Variants in RNF212 observed in about 807,000 individuals in gnomAD.
The protein encoded by RNF212 is ring finger protein 212.
In RNF212, 33 loss-of-function variants were observed where a neutral mutation model predicts 34.7. The ratio of observed to expected loss-of-function variants is 0.95; its 90% CI spans 0.72 to 1.27. The LOEUF (loss-of-function observed/expected upper bound fraction) is 1.27. RNF212 is among the 50% of genes most tolerant of loss of function. RNF212 has a pLI of 0.00. For synonymous variants in RNF212, 140 were observed against 136.1 expected, an observed-to-expected ratio of 1.03 and a Z score of -0.20; for missense variants, 377 against 362.2, an observed-to-expected ratio of 1.04 and a Z score of -0.33.
intron 2 of RNF212, among the ~76,000 whole-genome samples, chr4:1,106,590 A>G (rs1277717673): frequency 6.6e-6 from 1 of 152,256 alleles, no homozygotes; most frequent in Non-Finnish European, 1.5e-5. Context: ...ACAGAATAGC[A>G]GTGCACAGAA....
At chr4:1,093,262 T>G (rs1012900413) in intron 3 of RNF212, 2 of 581,770 alleles carry the variant, frequency 3.4e-6, no homozygotes, top group Admixed American at 8.1e-5. Context: ...TTTGCTTATG[T>G]GGGTTTTATC....
At chr4:1,094,127 C>T in intron 3 of RNF212, 1 of 1,278,414 alleles carries the variant, frequency 7.8e-7, no homozygotes, top group Non-Finnish European at 1.0e-6. Context: ...GAGTGCCATG[C>T]AGGGGTCCAT....
chr4:1,071,151 T>G (rs1185087320), downstream of RNF212, among the ~76,000 whole-genome samples: 12 of 152,082 alleles, frequency 7.9e-5, no homozygotes, highest in Admixed American at 6.5e-5. Flanking sequence ...ATTTTTTCTG[T>G]GTGCTTGAAG....
intron 5 of RNF212, among the ~76,000 whole-genome samples, chr4:1,082,259 C>A (rs1048105105): frequency 3.3e-5 from 5 of 152,218 alleles, no homozygotes; most frequent in African/African-American, 1.2e-4. Flanking sequence ...TCCACGATGG[C>A]CAGTAGCAGA....
At chr4:1,078,816 G>A (rs1168610612) in intron 8 of RNF212, among the ~76,000 whole-genome samples, 3 of 149,600 alleles carry the variant, frequency 2.0e-5, no homozygotes, top group East Asian at 2.0e-4. Context: ...CCAACACAGG[G>A]TCAACACAGG....
intron 2 of RNF212, among the ~76,000 whole-genome samples, chr4:1,106,303 CAG>C (rs1229002685): frequency 6.6e-6 from 1 of 151,492 alleles, no homozygotes; most frequent in Admixed American, 6.6e-5. Context: ...CACTCAGACA[CAG>C]AGAAAAGAAC....
At position 1,064,278 on chromosome 4, in the gene RNF212, C is replaced by T. The variant is rs550793676; in HGVS notation, n.148-5885G>A. Reference sequence around the variant, plus strand: ...GGAGCTATATGGAGCAATGTGGTTACGTTCCACTGGAATTCAGTCGGTGTT... The same window carrying T: ...GGAGCTATATGGAGCAATGTGGTTATGTTCCACTGGAATTCAGTCGGTGTT... On this transcript the variant is annotated intron_variant and non_coding_transcript_variant, in intron 3 of 4. Transcript: ENST00000503206. Among the ~76,000 whole-genome samples the T allele has an allele frequency of 7.9e-5, 12 of 152,276 alleles. No individual in the cohort carries two copies. The South Asian group carries it at 2.5e-3, about 32-fold the overall frequency.
intron 8 of RNF212, among the ~76,000 whole-genome samples, chr4:1,079,090 G>T (rs1193960191): frequency 6.6e-6 from 1 of 150,846 alleles, no homozygotes; most frequent in African/African-American, 2.4e-5. Flanking sequence ...GTCAACACAG[G>T]ACCAACATAG....
intron 4 of RNF212, among the ~76,000 whole-genome samples, chr4:1,088,655 G>A (rs970386160): frequency 6.6e-6 from 1 of 152,244 alleles, no homozygotes; most frequent in African/African-American, 2.4e-5. Context: ...CTTCACAGCA[G>A]CCCCTCCCAT....
At chr4:1,092,185 C>G (rs575210244) in intron 3 of RNF212, among the ~76,000 whole-genome samples, 3 of 152,246 alleles carry the variant, frequency 2.0e-5, no homozygotes. Flanking sequence ...TACCAGCAGA[C>G]GCGCCTCATC....
intron 2 of RNF212, chr4:1,099,696 G>A (rs150266301): frequency 1.0e-4 from 47 of 456,286 alleles, no homozygotes; most frequent in African/African-American, 8.0e-4. Context: ...CAGTAACGAG[G>A]ATACATAGTT....
intron 1 of RNF212, among the ~76,000 whole-genome samples, chr4:1,109,603 C>A (rs772593862): frequency 6.6e-6 from 1 of 152,206 alleles, no homozygotes; most frequent in Non-Finnish European, 1.5e-5. Flanking sequence ...CACTGCTGGG[C>A]AATCCTGCTT....
Position 1,081,069 on chromosome 4 carries a change from C to A in RNF212, c.464+350G>T, listed in dbSNP as rs73792258. Among the ~76,000 whole-genome samples, 580 of 152,342 alleles carry A rather than the reference C, an allele frequency of 3.8e-3. 6 individuals are homozygous for A. The highest frequency in any genetic ancestry group is 0.012 in the African/African-American group (515 of 41,560). On this transcript the variant is annotated intron_variant, in intron 7 of 9. Transcript: ENST00000433731. ...TGAAAGAAGGATTCCATATAAGGCA[C>A]ACCAGGTCAGCCCCTTAATTTCCTG...
chr4:1,103,965 G>A (rs1355302462), intron 2 of RNF212, among the ~76,000 whole-genome samples: 2 of 151,890 alleles, frequency 1.3e-5, no homozygotes, highest in Admixed American at 6.5e-5. Flanking sequence ...GTTGGCGTAT[G>A]TAAATGTTCT....
intron 2 of RNF212, among the ~76,000 whole-genome samples, chr4:1,100,551 G>C (rs1379438641): frequency 6.6e-6 from 1 of 151,964 alleles, no homozygotes; most frequent in Non-Finnish European, 1.5e-5. Flanking sequence ...GGGATTACAG[G>C]CGTGTGCTAC....
At chr4:1,093,772 G>A in intron 3 of RNF212, 1 of 1,536,310 alleles carries the variant, frequency 6.5e-7, no homozygotes, top group South Asian at 1.2e-5. Context: ...TGTGAATGAG[G>A]GTCCTGCTGG....
rs1008400258 is a variant in RNF212 at position 1,079,004 on chromosome 4, C to T, written c.510+639G>A. The stretch of plus-strand genomic sequence containing the variant: ...GGGTCAACACAGGACCAACATAGGA[C>T]CAACACAGGGTCAACACAGGACCAA... On this transcript the variant is annotated intron_variant, in intron 8 of 9. Transcript: ENST00000433731. Among the ~76,000 whole-genome samples, 62 of 103,218 alleles carry T rather than the reference C, an allele frequency of 6.0e-4. 1 individual carries two copies. Among genetic ancestry groups the T allele is most frequent in the African/African-American group, 3.3e-3 (45 of 13,582 alleles). 67.7% of individuals were successfully genotyped at this position (103,218 alleles called of 152,430 possible).
chr4:1,091,404 T>C (rs1560134206), intron 3 of RNF212, among the ~76,000 whole-genome samples: 1 of 152,306 alleles, frequency 6.6e-6, no homozygotes, highest in South Asian at 2.1e-4. Flanking sequence ...GTCCTGTGAT[T>C]TCCTCAGAGG....
chr4:1,073,671 G>C lies in RNF212; in HGVS notation c.511-9C>G, dbSNP rs765092668. 6.2e-7 allele frequency: 1 copy of C among 1,604,420 alleles called. No individual in the cohort carries two copies. The highest frequency in any genetic ancestry group is 8.5e-7 in the Non-Finnish European group (1 of 1,171,798). On this transcript the variant is annotated splice_polypyrimidine_tract_variant and intron_variant, in intron 8 of 9. Transcript: ENST00000433731. ...CCGGCTGCTATCTCAGACTAAGAAT[G>C]CAACAAGAAAACAATGGGTAAAATT... is the stretch of plus-strand genomic sequence containing the variant.
Sources: allele counts gnomAD v4.1 joint callset (sites outside exome capture counted in the v4.1 genomes callset), GRCh38; gene constraint gnomAD v4.1.1; transcripts MANE v1.5; gene names NCBI Gene and HGNC (gene_info 2026-07-23, HGNC 2026-07-21).